EPHA6: variants seen among roughly 807,000 people sequenced by gnomAD.
The protein encoded by EPHA6 is EPH receptor A6.
Under a neutral mutation model 112.0 loss-of-function variants are expected in EPHA6, and 50 were observed. The ratio of observed to expected loss-of-function variants is 0.45; its 90% CI spans 0.36 to 0.56. The LOEUF (loss-of-function observed/expected upper bound fraction) is 0.56, where lower values mean the gene tolerates loss of function less well. Among genes scored for constraint, EPHA6 ranks in the 20% least tolerant of loss-of-function variants. The pLI is 0.00. For missense variants in EPHA6, 1,280 were observed against 1,417.4 expected, an observed-to-expected ratio of 0.90 and a Z score of 1.56; for synonymous variants, 529 against 490.7, an observed-to-expected ratio of 1.08 and a Z score of -1.03.
At chr3:96,832,044 A>G (rs1426354804) in intron 1 of EPHA6, among the ~76,000 whole-genome samples, 1 of 152,054 alleles carries the variant, frequency 6.6e-6, no homozygotes, top group African/African-American at 2.4e-5. Context: ...GAGTCTTTTT[A>G]TTGACAACCT....
Position 97,052,503 on chromosome 3 carries a change from A to T in EPHA6, c.1114+64510A>T, listed in dbSNP as rs187418022. ...ATTTATTTTTGTAGCTCCCTTAACAATGTCTGCAACATAGTCGCCACTCAA... is the reference window on the plus strand; with the variant it reads ...ATTTATTTTTGTAGCTCCCTTAACATTGTCTGCAACATAGTCGCCACTCAA... On this transcript the variant is annotated intron_variant, in intron 3 of 17. Coordinates refer to ENST00000389672, the MANE Select transcript of EPHA6 (RefSeq NM_001080448.3). Among the ~76,000 whole-genome samples, 340 of 152,238 alleles carry T rather than the reference A, an allele frequency of 2.2e-3. 2 individuals carry two copies. The highest frequency in any genetic ancestry group is 7.9e-3 in the African/African-American group (329 of 41,562).
chr3:97,390,373 A>G (rs2086329342), intron 5 of EPHA6, among the ~76,000 whole-genome samples: 1 of 151,960 alleles, frequency 6.6e-6, no homozygotes, highest in Admixed American at 6.6e-5. Flanking sequence ...CAGCAGTATG[A>G]GCACGTTCTC....
At chr3:97,540,272 G>A (rs888764535) in intron 11 of EPHA6, among the ~76,000 whole-genome samples, 2 of 152,082 alleles carry the variant, frequency 1.3e-5, no homozygotes, top group African/African-American at 4.8e-5. Flanking sequence ...CATTTACTGG[G>A]AACTATTTGC....
chr3:97,481,493 G>T, intron 9 of EPHA6: 1 of 1,145,196 alleles, frequency 8.7e-7, no homozygotes, highest in Non-Finnish European at 1.3e-6. Flanking sequence ...ACAAACCATA[G>T]TTCCGGTTCT....
intron 5 of EPHA6, among the ~76,000 whole-genome samples, chr3:97,337,046 A>G (rs1247159460): frequency 6.6e-6 from 1 of 152,076 alleles, no homozygotes; most frequent in Non-Finnish European, 1.5e-5. Flanking sequence ...TCTACATCTC[A>G]TATAGTACTT....
intron 5 of EPHA6, among the ~76,000 whole-genome samples, chr3:97,295,198 G>C (rs1205184309): frequency 6.6e-6 from 1 of 151,944 alleles, no homozygotes; most frequent in African/African-American, 2.4e-5. Flanking sequence ...TTACCTTCTG[G>C]AACACCCAAA....
At chr3:97,150,738 A>G (rs949095811) in intron 3 of EPHA6, among the ~76,000 whole-genome samples, 1 of 152,086 alleles carries the variant, frequency 6.6e-6, no homozygotes, top group Non-Finnish European at 1.5e-5. Flanking sequence ...GTTCCTTCAC[A>G]GTTCTTGGTG....
intron 5 of EPHA6, among the ~76,000 whole-genome samples, chr3:97,404,251 T>C (rs1429869618): frequency 6.6e-6 from 1 of 152,216 alleles, no homozygotes; most frequent in Non-Finnish European, 1.5e-5. Flanking sequence ...TGTATCATTT[T>C]GCATTACCAC....
chr3:97,190,097 G>A lies in EPHA6; in HGVS notation c.1115-36167G>A, dbSNP rs139060188. Among the ~76,000 whole-genome samples, 224 of 152,140 alleles carry A rather than the reference G, an allele frequency of 1.5e-3. 4 individuals are homozygous for A. In the South Asian group the frequency reaches 0.033, roughly 22 times the overall value. ...TACAGTAGGCAGGGTCAGTAGAAAC[G>A]TCCATGAGAGTTTGGGTAATCCAAA... On this transcript the variant is annotated intron_variant, in intron 3 of 17. Coordinates refer to ENST00000389672, the MANE Select transcript of EPHA6 (RefSeq NM_001080448.3).
intron 3 of EPHA6, among the ~76,000 whole-genome samples, chr3:97,196,169 T>G (rs1260419553): frequency 6.6e-6 from 1 of 151,630 alleles, no homozygotes; most frequent in Admixed American, 6.6e-5. Flanking sequence ...CTTCCTTGTT[T>G]TTTTTTTCTT....
intron 2 of EPHA6, among the ~76,000 whole-genome samples, chr3:96,884,817 T>G (rs2037530371): frequency 6.6e-6 from 1 of 152,196 alleles, no homozygotes; most frequent in African/African-American, 2.4e-5. Flanking sequence ...TCAGAGGGAA[T>G]GCTTTCAACT....
At chr3:97,413,205 T>C (rs1486352592) in intron 6 of EPHA6, among the ~76,000 whole-genome samples, 1 of 151,820 alleles carries the variant, frequency 6.6e-6, no homozygotes, top group Non-Finnish European at 1.5e-5. Flanking sequence ...AAAATGTAAA[T>C]ATAATGTTCC....
At chr3:97,452,436 T>C (rs1266669638) in intron 7 of EPHA6, among the ~76,000 whole-genome samples, 1 of 151,782 alleles carries the variant, frequency 6.6e-6, no homozygotes, top group Non-Finnish European at 1.5e-5. Flanking sequence ...TTCCTTGTAT[T>C]TTAATGTTCG....
chr3:97,014,493 A>G (rs1396005001), intron 3 of EPHA6, among the ~76,000 whole-genome samples: 1 of 151,934 alleles, frequency 6.6e-6, no homozygotes, highest in East Asian at 1.9e-4. Flanking sequence ...TAAATATGCA[A>G]AACTTATTTG....
chr3:97,378,399 G>A (rs774052224), intron 5 of EPHA6, among the ~76,000 whole-genome samples: 2 of 152,198 alleles, frequency 1.3e-5, no homozygotes, highest in Non-Finnish European at 2.9e-5. Flanking sequence ...AGGGCAGTGC[G>A]AAAGGGAAAT....
At chr3:97,694,374 T>C (rs1281374895) in intron 14 of EPHA6, among the ~76,000 whole-genome samples, 1 of 152,010 alleles carries the variant, frequency 6.6e-6, no homozygotes, top group Non-Finnish European at 1.5e-5. Flanking sequence ...GTAGCTGAGA[T>C]TACAGGCACC....
chr3:97,048,637 C>T (rs1056080277), intron 3 of EPHA6, among the ~76,000 whole-genome samples: 6 of 152,054 alleles, frequency 3.9e-5, no homozygotes, highest in African/African-American at 1.4e-4. Flanking sequence ...GTGAGAAAAA[C>T]CACAGGGGTC....
chr3:96,943,424 C>T (rs1032639729), intron 2 of EPHA6, among the ~76,000 whole-genome samples: 1 of 151,948 alleles, frequency 6.6e-6, no homozygotes, highest in Non-Finnish European at 1.5e-5. Flanking sequence ...CAATTAAAAA[C>T]AAACAAAAAC....
Position 97,759,703 on chromosome 3 carries a change from G to A in EPHA6, c.*11002G>A, listed in dbSNP as rs975771655. The A allele has an allele frequency of 3.5e-5, 8 of 228,228 alleles. No homozygotes were observed. The highest frequency in any genetic ancestry group is 6.1e-5 in the Non-Finnish European group (7 of 115,010). The allele number at this position is 228,228 out of a possible 1,614,324, so 14.1% of individuals were successfully genotyped here. ...GGTAGAAAGGGAAGGATGTCACTAC[G>A]TAAGTTTTTTTTTAATTTTACCAAG... On this transcript the variant is annotated 3_prime_UTR_variant, in exon 18 of 18. Coordinates refer to ENST00000389672, the MANE Select transcript of EPHA6 (RefSeq NM_001080448.3).
Sources: allele counts gnomAD v4.1 joint callset (sites outside exome capture counted in the v4.1 genomes callset), GRCh38; gene constraint gnomAD v4.1.1; transcripts MANE v1.5; gene names NCBI Gene and HGNC (gene_info 2026-07-23, HGNC 2026-07-21).